SLC16A12: variants seen among roughly 807,000 people sequenced by gnomAD.
SLC16A12 encodes the protein monocarboxylate transporter 12.
SLC16A12 carries 17 observed loss-of-function variants against 42.4 expected under a neutral mutation model. The ratio of observed to expected loss-of-function variants is 0.40; its 90% CI spans 0.27 to 0.60. The LOEUF (loss-of-function observed/expected upper bound fraction) is 0.60, where lower values mean the gene tolerates loss of function less well. Ranked by LOEUF, SLC16A12 falls within the 20% of genes least tolerant of loss-of-function variation. SLC16A12 has a pLI of 0.42. For missense variants in SLC16A12, 544 were observed against 623.0 expected, an observed-to-expected ratio of 0.87 and a Z score of 1.35; for synonymous variants, 224 against 229.4, an observed-to-expected ratio of 0.98 and a Z score of 0.21.
chr10:89,451,883 G>T (rs1349260014), intron 3 of SLC16A12, among the ~76,000 whole-genome samples: 1 of 152,132 alleles, frequency 6.6e-6, no homozygotes, highest in African/African-American at 2.4e-5. Context: ...AGTTCAGTTA[G>T]GACTCAAAGC....
chr10:89,444,613 AAC>A (rs1417588309), intron 3 of SLC16A12, among the ~76,000 whole-genome samples: 1 of 152,236 alleles, frequency 6.6e-6, no homozygotes. Flanking sequence ...TTTTTGTAAA[AAC>A]AGTTTATGTA....
rs547274060 is a variant in SLC16A12, at chr10:89,471,261, T to C, written c.-46-8637A>G. 9.8e-5 allele frequency among the ~76,000 whole-genome samples: 15 copies of C among 152,332 alleles called. No individual in the cohort carries two copies. In the East Asian group the frequency reaches 2.7e-3, roughly 27 times the overall value. ...TTCCCTCATGCTCCCTTGCAGTCAA[T>C]CTTCACCAACCCTGGCACCAGAATA... On this transcript the variant is annotated intron_variant, in intron 2 of 7. Transcript: ENST00000371790.
At chr10:89,545,355 G>A (rs1029266085) in intron 2 of SLC16A12, among the ~76,000 whole-genome samples, 3 of 152,154 alleles carry the variant, frequency 2.0e-5, no homozygotes, top group African/African-American at 7.2e-5. Flanking sequence ...AAACTGATAA[G>A]CAACTTCAGC....
At chr10:89,541,986 A>T (rs1422747214) in intron 2 of SLC16A12, among the ~76,000 whole-genome samples, 5 of 151,992 alleles carry the variant, frequency 3.3e-5, no homozygotes, top group Admixed American at 6.5e-5. Flanking sequence ...ATTTATTGAT[A>T]TTTTTTTAGT....
chr10:89,510,511 G>A lies in SLC16A12; in HGVS notation c.-47+23990C>T, dbSNP rs146636084. Among the ~76,000 whole-genome samples, 167 of 152,260 alleles carry A rather than the reference G, an allele frequency of 1.1e-3. 1 individual carries two copies. The highest frequency in any genetic ancestry group is 3.9e-3 in the African/African-American group (161 of 41,550). On this transcript the variant is annotated intron_variant, in intron 2 of 7. Coordinates refer to ENST00000371790, the MANE Select transcript of SLC16A12 (RefSeq NM_213606.4). The stretch of plus-strand genomic sequence containing the variant: ...AGGATTCCCTATTTAAATGGTGCTG[G>A]GAAAACTGGCTAGCCATATGGGGAA...
At chr10:89,487,329 A>C (rs1564586305) in intron 2 of SLC16A12, among the ~76,000 whole-genome samples, 1 of 152,206 alleles carries the variant, frequency 6.6e-6, no homozygotes, top group Non-Finnish European at 1.5e-5. Flanking sequence ...ATTACTAAAA[A>C]GTCAAAAAAC....
Position 89,477,564 on chromosome 10 carries a change from C to CAAA in SLC16A12, c.-46-14943_-46-14941dup, listed in dbSNP as rs34204051. Among the ~76,000 whole-genome samples the CAAA allele has an allele frequency of 5.5e-3, 267 of 48,752 alleles. 3 individuals are homozygous for CAAA. Among genetic ancestry groups the CAAA allele is most frequent in the African/African-American group, 0.011 (129 of 12,012 alleles). 32.0% of individuals were successfully genotyped at this position (48,752 alleles called of 152,430 possible). A position where few individuals can be genotyped will look rare whatever the true frequency, so the allele number is the denominator to read the frequency against. On this transcript the variant is annotated intron_variant, in intron 2 of 7. Coordinates refer to ENST00000371790, the MANE Select transcript of SLC16A12 (RefSeq NM_213606.4). ...GGGCAACAAGAGCAAAACTCTGTCT[C>CAAA]AAAAAAAAAAAAAAAAAAAAAAAAA...
chr10:89,528,184 AAG>A (rs1843486296), intron 2 of SLC16A12, among the ~76,000 whole-genome samples: 1 of 152,102 alleles, frequency 6.6e-6, no homozygotes, highest in African/African-American at 2.4e-5. Context: ...CTGGGTGACA[AAG>A]AGAGACCCTG....
At chr10:89,444,786 C>T (rs1219363470) in intron 3 of SLC16A12, among the ~76,000 whole-genome samples, 4 of 152,276 alleles carry the variant, frequency 2.6e-5, no homozygotes, top group East Asian at 1.9e-4. Flanking sequence ...GAGGGGGAGC[C>T]GAAGCAGGGT....
At chr10:89,517,039 G>A (rs7898855) in intron 2 of SLC16A12, among the ~76,000 whole-genome samples, 70 of 152,098 alleles carry the variant, frequency 4.6e-4, no homozygotes, top group African/African-American at 1.6e-3. Flanking sequence ...CCTGGGCAAC[G>A]CAACAAGACT....
At chr10:89,445,101 C>T (rs1036621440) in intron 3 of SLC16A12, among the ~76,000 whole-genome samples, 1 of 152,240 alleles carries the variant, frequency 6.6e-6, no homozygotes, top group African/African-American at 2.4e-5. Flanking sequence ...CCAGGAAGCT[C>T]AAACTGGGTG....
At chr10:89,522,921 G>T (rs918440643) in intron 2 of SLC16A12, among the ~76,000 whole-genome samples, 2 of 152,198 alleles carry the variant, frequency 1.3e-5, no homozygotes, top group Non-Finnish European at 2.9e-5. Context: ...TGAGACCTTA[G>T]ATGGGATTTT....
At chr10:89,449,920 TCAAA>T (rs1456491316) in intron 3 of SLC16A12, among the ~76,000 whole-genome samples, 6 of 151,658 alleles carry the variant, frequency 4.0e-5, no homozygotes, top group African/African-American at 1.5e-4. Flanking sequence ...AAGAAAAAAA[TCAAA>T]CAACCCCATC....
intron 2 of SLC16A12, among the ~76,000 whole-genome samples, chr10:89,519,120 T>C (rs1438310577): frequency 6.6e-6 from 1 of 152,140 alleles, no homozygotes; most frequent in Non-Finnish European, 1.5e-5. Context: ...TTCAGTTATA[T>C]GAATGAAAGT....
chr10:89,534,231 C>T (rs1232984791), intron 2 of SLC16A12, among the ~76,000 whole-genome samples: 1 of 152,188 alleles, frequency 6.6e-6, no homozygotes, highest in Admixed American at 6.6e-5. Context: ...TGGAGGATGT[C>T]AAACACCATT....
intron 2 of SLC16A12, among the ~76,000 whole-genome samples, chr10:89,554,074 A>AGG (rs1464847061): frequency 1.2e-4 from 14 of 120,068 alleles, no homozygotes; most frequent in Admixed American, 3.2e-4. Context: ...GAAAGAAAGA[A>AGG]AGAAAGAAAG....
At chr10:89,549,876 C>G (rs951478182) in intron 2 of SLC16A12, among the ~76,000 whole-genome samples, 1 of 152,114 alleles carries the variant, frequency 6.6e-6, no homozygotes, top group Non-Finnish European at 1.5e-5. Flanking sequence ...CTAGGAAGAC[C>G]CAGGGTAGCT....
At chr10:89,486,971 C>G (rs1380644628) in intron 2 of SLC16A12, among the ~76,000 whole-genome samples, 1 of 152,176 alleles carries the variant, frequency 6.6e-6, no homozygotes, top group South Asian at 2.1e-4. Context: ...CCAGTGAAGT[C>G]AAAAGACACT....
At chr10:89,462,827 C>T (rs1400542848) in intron 2 of SLC16A12, 3 of 516,906 alleles carry the variant, frequency 5.8e-6, no homozygotes, top group Non-Finnish European at 9.7e-6. Context: ...AAATTGTAGT[C>T]AAATGCATGT....
Sources: allele counts gnomAD v4.1 joint callset (sites outside exome capture counted in the v4.1 genomes callset), GRCh38; gene constraint gnomAD v4.1.1; transcripts MANE v1.5; gene names NCBI Gene and HGNC (gene_info 2026-07-23, HGNC 2026-07-21).